LAMTOR3: variants seen among roughly 807,000 people sequenced by gnomAD.
LAMTOR3 encodes the protein late endosomal/lysosomal adaptor, MAPK and MTOR activator 3.
Under a neutral mutation model 20.3 loss-of-function variants are expected in LAMTOR3, and 14 were observed. The ratio of observed to expected loss-of-function variants is 0.69; its 90% CI spans 0.46 to 1.08. LAMTOR3 has a LOEUF of 1.08. LAMTOR3 is among the 50% of genes least tolerant of loss of function. The pLI, the probability that LAMTOR3 is intolerant of heterozygous loss-of-function variation, is 0.00. For missense variants in LAMTOR3, 125 were observed against 143.7 expected (o/e 0.87, Z 0.67); for synonymous variants, 40 against 49.4 (o/e 0.81, Z 0.80).
chr4:99,894,229 C>G (rs563036996), intron 1 of LAMTOR3, 106 bp downstream of exon 1: 3 of 384,702 alleles, frequency 7.8e-6, no homozygotes, highest in African/African-American at 2.1e-5. Flanking sequence ...CCCCAAAGAG[C>G]TAGGCCCAAA....
In LAMTOR3 at chr4:99,884,117, T is replaced by C; in HGVS notation, c.246A>G (p.Gln82=). Residue 82 remains glutamine, a synonymous_variant, in exon 6 of 7, where the codon CAA becomes CAG. Transcript: ENST00000499666. The part of the protein sequence containing the change: ...ICYYNTYQVV[Q]FNRLPLVVSF... ...TCACCACCAAAGGTAAACGATTAAA[T>C]TGAACCACCTAAAAAGAAAATAAGA... 2 of 1,611,724 alleles carry C rather than the reference T, an allele frequency of 1.2e-6. No homozygotes were observed. The highest frequency in any genetic ancestry group is 1.1e-5 in the South Asian group (1 of 91,036).
chr4:99,892,594 A>G (rs1027916485), intron 2 of LAMTOR3, among the ~76,000 whole-genome samples: 1 of 152,188 alleles, frequency 6.6e-6, no homozygotes, highest in Non-Finnish European at 1.5e-5. Context: ...ATAATGAAAC[A>G]GTGTAAGGCA....
At chr4:99,889,889 TA>T (rs1176141794) in intron 3 of LAMTOR3, among the ~76,000 whole-genome samples, 1 of 152,048 alleles carries the variant, frequency 6.6e-6, no homozygotes, top group Non-Finnish European at 1.5e-5. Context: ...CCAAAGAAAA[TA>T]AAAGGACTTT....
chr4:99,884,786 G>A (rs1002136150), intron 5 of LAMTOR3, among the ~76,000 whole-genome samples: 3 of 152,068 alleles, frequency 2.0e-5, no homozygotes, highest in Admixed American at 1.3e-4. Flanking sequence ...CCAACATGGT[G>A]AAAGTCCGTC....
rs777378168 is a variant in LAMTOR3 at position 99,894,003 on chromosome 4, G to C, written c.-37-3C>G. On this transcript the variant is annotated splice_polypyrimidine_tract_variant and splice_region_variant and intron_variant, in intron 1 of 6. Coordinates refer to ENST00000499666, the MANE Select transcript of LAMTOR3 (RefSeq NM_021970.4). ...TCTCGCAGGATCAATCTCCACGCCT[G>C]GAAGAGAAACTCCCGGTGACTCTTC... The C allele has an allele frequency of 3.3e-6, 5 of 1,515,168 alleles. No individual in the cohort carries two copies. Among genetic ancestry groups the C allele is most frequent in the Non-Finnish European group, 4.4e-6 (5 of 1,124,950 alleles). 93.9% of individuals were successfully genotyped at this position (1,515,168 alleles called of 1,614,324 possible). A position where few individuals can be genotyped will look rare whatever the true frequency, so the allele number is the denominator to read the frequency against.
chr4:99,889,292 T>A (rs964515532), intron 3 of LAMTOR3, among the ~76,000 whole-genome samples: 3 of 152,196 alleles, frequency 2.0e-5, no homozygotes, highest in Non-Finnish European at 4.4e-5. Flanking sequence ...TATTTGTACA[T>A]AAGCCAATTA....
intron 3 of LAMTOR3, among the ~76,000 whole-genome samples, chr4:99,890,629 A>T (rs1018184128): frequency 2.7e-5 from 4 of 149,158 alleles, no homozygotes; most frequent in African/African-American, 7.4e-5. Context: ...TTTCATTATT[A>T]AAAAAAAAAC....
At chr4:99,894,040 T>C (rs1725075439) in intron 1 of LAMTOR3, 40 bp from the exon 2 acceptor site, 3 of 1,281,838 alleles carry the variant, frequency 2.3e-6, no homozygotes, top group Non-Finnish European at 3.2e-6. Context: ...CTCTTTGGCT[T>C]CCTCGTCCTC....
In LAMTOR3 at chr4:99,881,884, G is replaced by A. The variant is rs1347216252; in HGVS notation, c.*110C>T. ...GCTCTTTAGTATAAGTTGGAAAAAG[G>A]GGCCCTTTCTTGAGCACATGGATAA... On this transcript the variant is annotated 3_prime_UTR_variant, in exon 7 of 7. Transcript: ENST00000499666. 2.7e-6 allele frequency: 2 copies of A among 727,960 alleles called. No individual in the cohort carries two copies. The highest frequency in any genetic ancestry group is 3.7e-5 in the African/African-American group (2 of 54,632). The allele number at this position is 727,960 out of a possible 1,614,324, so 45.1% of individuals were successfully genotyped here.
Position 99,881,229 on chromosome 4 carries a change from T to C in LAMTOR3, c.*765A>G, listed in dbSNP as rs1167645582. 4 of 152,206 alleles carry C rather than the reference T, an allele frequency of 2.6e-5. No individual in the cohort carries two copies. Among genetic ancestry groups the C allele is most frequent in the Non-Finnish European group, 2.9e-5 (2 of 68,032 alleles). 9.4% of individuals were successfully genotyped at this position (152,206 alleles called of 1,614,324 possible). A position where few individuals can be genotyped will look rare whatever the true frequency, so the allele number is the denominator to read the frequency against. On this transcript the variant is annotated 3_prime_UTR_variant, in exon 7 of 7. Transcript: ENST00000499666. ...CTATATTTTTAAAAATACTATTTTA[T>C]TTTTACTCACATATGAAAAAAATGG...
At chr4:99,891,691 T>C (rs1464219122) in intron 3 of LAMTOR3, among the ~76,000 whole-genome samples, 1 of 152,172 alleles carries the variant, frequency 6.6e-6, no homozygotes, top group African/African-American at 2.4e-5. Flanking sequence ...GTAATAATGC[T>C]GAAATTTCAA....
At position 99,887,919 on chromosome 4, in the gene LAMTOR3, C is replaced by T. The variant is rs143643559; in HGVS notation, c.45-565G>A. Among the ~76,000 whole-genome samples the T allele has an allele frequency of 8.2e-3, 1,246 of 152,276 alleles. 10 individuals are homozygous for T. The highest frequency in any genetic ancestry group is 0.028 in the African/African-American group (1,173 of 41,540). Reference sequence around the variant, plus strand: ...ATATGAGAACCTAGAAAAGAGGAGGCTGATGCAGACAGACAGTGGGCCAGA... The same window carrying T: ...ATATGAGAACCTAGAAAAGAGGAGGTTGATGCAGACAGACAGTGGGCCAGA... On this transcript the variant is annotated intron_variant, in intron 3 of 6. Transcript: ENST00000499666.
chr4:99,890,125 T>G (rs1392767445), intron 3 of LAMTOR3, among the ~76,000 whole-genome samples: 1 of 152,230 alleles, frequency 6.6e-6, no homozygotes, highest in Non-Finnish European at 1.5e-5. Context: ...TTGTGAAATA[T>G]TCTGAAGAAA....
At chr4:99,882,122 G>T in intron 6 of LAMTOR3, 55 bp from the exon 7 acceptor site, 1 of 1,079,962 alleles carries the variant, frequency 9.3e-7, no homozygotes, top group Non-Finnish European at 1.4e-6. Flanking sequence ...CTCAAAGCCT[G>T]AAACTCAGAT....
chr4:99,885,725 G>T, intron 4 of LAMTOR3, 50 bp from the exon 5 acceptor site: 1 of 1,469,600 alleles, frequency 6.8e-7, no homozygotes, highest in Non-Finnish European at 9.3e-7. Context: ...ATATGGTAGA[G>T]AGATTTACAG....
Position 99,887,289 on chromosome 4 carries a change from G to T in LAMTOR3, c.103+7C>A. On this transcript the variant is annotated splice_region_variant and intron_variant, in intron 4 of 6. Transcript: ENST00000499666. ...GAAGACATTTGCATTTAAATGTTCA[G>T]TTTTACCTTTAATAACAGGTACTCC... The T allele has an allele frequency of 6.4e-7, 1 of 1,551,200 alleles. No homozygotes were observed. Among genetic ancestry groups the T allele is most frequent in the Non-Finnish European group, 8.8e-7 (1 of 1,141,720 alleles).
chr4:99,894,119 C>T (rs543054077), intron 1 of LAMTOR3, 119 bp from the exon 2 acceptor site: 1 of 577,944 alleles, frequency 1.7e-6, no homozygotes, highest in Admixed American at 3.2e-5. Flanking sequence ...GGTTCTAGGG[C>T]TTGGCCCAGC....
chr4:99,881,511 AC>A lies in LAMTOR3; in HGVS notation c.*482del, dbSNP rs1450637423. ...AGTTAGTGATTGTACTGATTTTATT[AC>A]TTTTACCAAGCCATTTTATGTTCCT... On this transcript the variant is annotated 3_prime_UTR_variant, in exon 7 of 7. Transcript: ENST00000499666. 1 of 153,680 alleles carries A rather than the reference AC, an allele frequency of 6.5e-6. No individual in the cohort carries two copies. The highest frequency in any genetic ancestry group is 2.4e-5 in the African/African-American group (1 of 41,484). 9.5% of individuals were successfully genotyped at this position (153,680 alleles called of 1,614,324 possible).
chr4:99,892,864 A>G (rs11935399), intron 2 of LAMTOR3, among the ~76,000 whole-genome samples: 67,379 of 151,220 alleles, frequency 0.45, 16,036 homozygotes, highest in African/African-American at 0.63. Flanking sequence ...ATTTTTAGAA[A>G]AGACAACGTT....
Sources: allele counts gnomAD v4.1 joint callset (sites outside exome capture counted in the v4.1 genomes callset), GRCh38; gene constraint gnomAD v4.1.1; transcripts MANE v1.5; gene names NCBI Gene and HGNC (gene_info 2026-07-23, HGNC 2026-07-21).